The following HORMAD2 variants were observed in gnomAD, a reference collection of about 807,000 sequenced individuals.
The protein encoded by HORMAD2 is HORMA domain containing 2, also known as HORMA domain-containing protein 2.
A neutral mutation model predicts 38.8 loss-of-function variants in HORMAD2; 45 were observed. The ratio of observed to expected loss-of-function variants is 1.16; its 90% CI spans 0.91 to 1.49. The LOEUF (loss-of-function observed/expected upper bound fraction) is 1.49. Ranked by LOEUF, HORMAD2 falls within the 40% of genes most tolerant of loss-of-function variation. HORMAD2 has a pLI of 0.00. For missense variants in HORMAD2, 338 were observed against 367.0 expected (o/e 0.92, Z 0.65); for synonymous variants, 126 against 122.8 (o/e 1.03, Z -0.17).
chr22:30,099,534 TATC>T (rs1275969411), intron 3 of HORMAD2, among the ~76,000 whole-genome samples: 16 of 152,320 alleles, frequency 1.1e-4, no homozygotes, highest in African/African-American at 3.8e-4. Flanking sequence ...CTCTTAAACT[TATC>T]ATCTTATTGT....
At chr22:30,150,035 A>T (rs1924651844) in intron 10 of HORMAD2, among the ~76,000 whole-genome samples, 1 of 151,480 alleles carries the variant, frequency 6.6e-6, no homozygotes, top group African/African-American at 2.4e-5. Flanking sequence ...TTTTTGCGGT[A>T]GGCACTCAGT....
At chr22:30,088,115 A>ACACACACACACACATGTG (rs1569079458) in intron 1 of HORMAD2, among the ~76,000 whole-genome samples, 8 of 147,930 alleles carry the variant, frequency 5.4e-5, no homozygotes, top group Non-Finnish European at 8.9e-5. Context: ...ACGTGTACAT[A>ACACACACACACACATGTG]TACACACACG....
At chr22:30,143,108 A>G (rs1924187675) in intron 10 of HORMAD2, among the ~76,000 whole-genome samples, 1 of 152,224 alleles carries the variant, frequency 6.6e-6, no homozygotes, top group Admixed American at 6.5e-5. Context: ...ATTGGCAAAT[A>G]TACTACATTT....
At chr22:30,153,343 C>T (rs908774355) in intron 10 of HORMAD2, among the ~76,000 whole-genome samples, 3 of 152,094 alleles carry the variant, frequency 2.0e-5, no homozygotes, top group Non-Finnish European at 4.4e-5. Flanking sequence ...TCTATCGCTT[C>T]CCTAATCAAA....
chr22:30,180,381 T>C (rs1926648511), downstream of HORMAD2, among the ~76,000 whole-genome samples: 1 of 152,124 alleles, frequency 6.6e-6, no homozygotes, highest in South Asian at 2.1e-4. Flanking sequence ...GGTTGTTGTT[T>C]GGGTATTTCA....
intron 5 of HORMAD2, among the ~76,000 whole-genome samples, chr22:30,109,038 T>C (rs1339197054): frequency 1.3e-5 from 2 of 150,690 alleles, no homozygotes; most frequent in Admixed American, 6.6e-5. Context: ...CTTTCTTCTT[T>C]TTTTTTTTTG....
At chr22:30,087,815 C>T (rs2068597295) in intron 1 of HORMAD2, among the ~76,000 whole-genome samples, 1 of 152,056 alleles carries the variant, frequency 6.6e-6, no homozygotes, top group Non-Finnish European at 1.5e-5. Context: ...GGGTATAGTG[C>T]TAAACCATTC....
intron 1 of HORMAD2, among the ~76,000 whole-genome samples, chr22:30,092,743 G>A (rs1387078448): frequency 1.3e-5 from 2 of 151,954 alleles, no homozygotes; most frequent in Non-Finnish European, 2.9e-5. Context: ...TTTGACAAGG[G>A]TATCTTTTCC....
chr22:30,192,561 A>G, the HORMAD2 span, among the ~76,000 whole-genome samples: 1 of 152,174 alleles, frequency 6.6e-6, no homozygotes. Flanking sequence ...TGCGAAAACA[A>G]TAATTGCTAA....
At chr22:30,082,057 C>T (rs1338233409) in intron 1 of HORMAD2, among the ~76,000 whole-genome samples, 1 of 152,202 alleles carries the variant, frequency 6.6e-6, no homozygotes, top group Non-Finnish European at 1.5e-5. Flanking sequence ...TCTTCCTCCA[C>T]AGAATTGGAT....
chr22:30,082,479 T>A (rs1170375486), intron 1 of HORMAD2, among the ~76,000 whole-genome samples: 1 of 152,122 alleles, frequency 6.6e-6, no homozygotes, highest in African/African-American at 2.4e-5. Flanking sequence ...AGGAAGTAAT[T>A]GTGCCACCAT....
chr22:30,173,485 A>G (rs1324453097), intron 10 of HORMAD2, among the ~76,000 whole-genome samples: 2 of 152,238 alleles, frequency 1.3e-5, no homozygotes, highest in East Asian at 1.9e-4. Flanking sequence ...CATGAGAATG[A>G]TGGAGTAGTC....
intron 7 of HORMAD2, among the ~76,000 whole-genome samples, chr22:30,114,672 G>A (rs76929673): frequency 6.6e-6 from 1 of 152,168 alleles, no homozygotes; most frequent in East Asian, 1.9e-4. Flanking sequence ...ACACTAGACA[G>A]TTGGATTAAA....
chr22:30,143,402 A>G (rs947458641), intron 10 of HORMAD2, among the ~76,000 whole-genome samples: 5 of 151,990 alleles, frequency 3.3e-5, no homozygotes, highest in African/African-American at 1.2e-4. Context: ...AAGTGTTTTT[A>G]TCTTACCTTT....
intron 10 of HORMAD2, among the ~76,000 whole-genome samples, chr22:30,139,256 A>ATATG (rs1280288222): frequency 3.0e-5 from 2 of 66,830 alleles, no homozygotes; most frequent in Non-Finnish European, 7.7e-5. Flanking sequence ...GAACTGTACT[A>ATATG]TATATATATA....
At chr22:30,156,052 G>A (rs1290597268) in intron 10 of HORMAD2, among the ~76,000 whole-genome samples, 1 of 152,048 alleles carries the variant, frequency 6.6e-6, no homozygotes, top group African/African-American at 2.4e-5. Context: ...TCCCACTGTG[G>A]GTCACCCACA....
intron 10 of HORMAD2, among the ~76,000 whole-genome samples, chr22:30,148,878 G>T (rs1426529300): frequency 3.9e-5 from 6 of 152,108 alleles, no homozygotes; most frequent in Admixed American, 6.6e-5. Flanking sequence ...GGTGACGGGT[G>T]CCTGTAGTCC....
chr22:30,093,777 G>C, intron 1 of HORMAD2, 139 bp from the exon 2 acceptor site: 1 of 474,598 alleles, frequency 2.1e-6, no homozygotes, highest in East Asian at 3.3e-5. Flanking sequence ...GAACAATCTT[G>C]AAAACAGTTT....
At chr22:30,084,570 C>T (rs943456970) in intron 1 of HORMAD2, among the ~76,000 whole-genome samples, 9 of 152,010 alleles carry the variant, frequency 5.9e-5, no homozygotes, top group Non-Finnish European at 1.2e-4. Context: ...TTAATTATTC[C>T]TTGTTCCTAT....
Sources: gnomAD v4.1 joint callset for allele counts (sites outside exome capture counted in the v4.1 genomes callset) on GRCh38, gnomAD v4.1.1 for gene constraint, MANE v1.5 for transcripts, NCBI Gene and HGNC (gene_info 2026-07-23, HGNC 2026-07-21) for gene names.